The following ATG5 variants were observed in gnomAD, a reference collection of about 807,000 sequenced individuals.
ATG5 encodes autophagy related 5, also known as autophagy protein 5.
In ATG5, 14 loss-of-function variants were observed where a neutral mutation model predicts 36.5. The ratio of observed to expected loss-of-function variants is 0.38; its 90% CI spans 0.25 to 0.60. The LOEUF (loss-of-function observed/expected upper bound fraction) is 0.60, where lower values mean the gene tolerates loss of function less well. ATG5 is among the 20% of genes least tolerant of loss of function. The probability of loss-of-function intolerance (pLI) is 0.60; values close to 1 mark genes in which losing one functional copy is unlikely to be tolerated. For synonymous variants in ATG5, 95 were observed against 101.5 expected (o/e 0.94, Z 0.38); for missense variants, 195 against 326.7 (o/e 0.60, Z 3.11).
In ATG5 at chr6:106,248,145, C is replaced by A; in HGVS notation, c.573+5G>T. 1 of 1,573,670 alleles carries A rather than the reference C, an allele frequency of 6.4e-7. No individual in the cohort carries two copies. The highest frequency in any genetic ancestry group is 1.7e-4 in the Middle Eastern group (1 of 5,986). The stretch of plus-strand genomic sequence containing the variant: ...ATGGATGTTTTTTAAAATGTTATTT[C>A]CTACCTGATATATTCTAAAGGGGAT... On this transcript the variant is annotated splice_donor_5th_base_variant and intron_variant, in intron 6 of 7. Coordinates refer to ENST00000369076, the MANE Select transcript of ATG5 (RefSeq NM_004849.4).
intron 5 of ATG5, among the ~76,000 whole-genome samples, chr6:106,254,310 T>C (rs147581768): frequency 2.6e-5 from 4 of 152,344 alleles, no homozygotes; most frequent in Non-Finnish European, 4.4e-5. Context: ...CTTCAAATTA[T>C]GCAATTTACA....
intron 5 of ATG5, among the ~76,000 whole-genome samples, chr6:106,258,667 T>C (rs1274978645): frequency 2.0e-5 from 3 of 152,192 alleles, no homozygotes; most frequent in African/African-American, 7.2e-5. Flanking sequence ...GGTGATACCA[T>C]GACACAGAAG....
chr6:106,262,603 AGC>A (rs1779067873), intron 5 of ATG5, among the ~76,000 whole-genome samples: 1 of 152,200 alleles, frequency 6.6e-6, no homozygotes, highest in Non-Finnish European at 1.5e-5. Flanking sequence ...TGCAGCTCCC[AGC>A]GAGACAAACA....
At chr6:106,257,982 A>C (rs1024763363) in intron 5 of ATG5, among the ~76,000 whole-genome samples, 1 of 152,168 alleles carries the variant, frequency 6.6e-6, no homozygotes, top group Admixed American at 6.5e-5. Context: ...AAAAGCAAAA[A>C]CCAAAATAAA....
At chr6:106,294,721 C>A (rs1780463400) in intron 3 of ATG5, among the ~76,000 whole-genome samples, 1 of 151,214 alleles carries the variant, frequency 6.6e-6, no homozygotes, top group Non-Finnish European at 1.5e-5. Flanking sequence ...CACACACCTG[C>A]AGCCCTAGCT....
At chr6:106,237,478 C>T in intron 6 of ATG5, among the ~76,000 whole-genome samples, 1 of 152,072 alleles carries the variant, frequency 6.6e-6, no homozygotes, top group Admixed American at 6.5e-5. Flanking sequence ...CATTGCTTAC[C>T]GGCTGGCTGT....
intron 7 of ATG5, among the ~76,000 whole-genome samples, chr6:106,189,175 G>A (rs775593263): frequency 2.6e-5 from 4 of 152,104 alleles, no homozygotes; most frequent in African/African-American, 4.8e-5. Context: ...AACTCTACCC[G>A]TAAAGACTGT....
intron 6 of ATG5, among the ~76,000 whole-genome samples, chr6:106,205,203 G>A (rs1394374394): frequency 2.0e-5 from 3 of 152,148 alleles, no homozygotes; most frequent in Non-Finnish European, 4.4e-5. Context: ...AATACAGCAA[G>A]CTTATGTGAA....
At chr6:106,242,306 A>G (rs34021597) in intron 6 of ATG5, among the ~76,000 whole-genome samples, 1 of 152,144 alleles carries the variant, frequency 6.6e-6, no homozygotes, top group African/African-American at 2.4e-5. Flanking sequence ...GACACATAAT[A>G]CAATATAGAT....
At chr6:106,242,116 A>T (rs546828529) in intron 6 of ATG5, among the ~76,000 whole-genome samples, 3 of 149,686 alleles carry the variant, frequency 2.0e-5, no homozygotes, top group Non-Finnish European at 3.0e-5. Flanking sequence ...AATTATATCT[A>T]TCTATATCTA....
At chr6:106,208,271 T>C (rs1776717437) in intron 6 of ATG5, among the ~76,000 whole-genome samples, 1 of 152,224 alleles carries the variant, frequency 6.6e-6, no homozygotes, top group Non-Finnish European at 1.5e-5. Flanking sequence ...AACACATATG[T>C]ATATGTATAA....
At chr6:106,318,508 G>A (rs906463848) in intron 1 of ATG5, among the ~76,000 whole-genome samples, 4 of 152,150 alleles carry the variant, frequency 2.6e-5, no homozygotes, top group Non-Finnish European at 4.4e-5. Context: ...AAAGTCTTAC[G>A]TTCCAGCAAA....
intron 6 of ATG5, among the ~76,000 whole-genome samples, chr6:106,244,091 A>T (rs867044459): frequency 1.3e-5 from 2 of 151,736 alleles, no homozygotes; most frequent in Middle Eastern, 3.4e-3. Context: ...ATTTAAAAAA[A>T]TTTTTTTGTA....
At chr6:106,235,290 T>A (rs1257954949) in intron 6 of ATG5, among the ~76,000 whole-genome samples, 2 of 152,196 alleles carry the variant, frequency 1.3e-5, no homozygotes. Context: ...ATGAAGTCCA[T>A]GACTAAGATC....
chr6:106,313,375 A>T (rs908489397), intron 2 of ATG5, among the ~76,000 whole-genome samples: 2 of 152,236 alleles, frequency 1.3e-5, no homozygotes, highest in Non-Finnish European at 2.9e-5. Context: ...AATAGGGCAG[A>T]CACCTGACTA....
chr6:106,199,992 C>T (rs1271885819), intron 7 of ATG5, among the ~76,000 whole-genome samples: 1 of 152,268 alleles, frequency 6.6e-6, no homozygotes, highest in South Asian at 2.1e-4. Flanking sequence ...TTTGGGTAGT[C>T]AGTGGTCTCT....
rs147387557 is a variant in ATG5 at position 106,192,977 on chromosome 6, G to C, written c.692-6301C>G. Among the ~76,000 whole-genome samples, 604 of 152,294 alleles carry C rather than the reference G, an allele frequency of 4.0e-3. 4 individuals carry two copies. The highest frequency in any genetic ancestry group is 0.01 in the Middle Eastern group (3 of 294). On this transcript the variant is annotated intron_variant, in intron 7 of 7. Coordinates refer to ENST00000369076, the MANE Select transcript of ATG5 (RefSeq NM_004849.4). ...TTTTGTCTCAGCCACGGAGGTAATA[G>C]TCAGCGAGGTCAGGTCAAAGAGGGT...
Position 106,256,237 on chromosome 6 carries a change from T to G in ATG5, c.479-7993A>C, listed in dbSNP as rs371782168. Among the ~76,000 whole-genome samples the G allele has an allele frequency of 3.9e-5, 6 of 152,358 alleles. No individual in the cohort carries two copies. The East Asian group carries it at 1.2e-3, about 29-fold the overall frequency. ...TGTAAAGTAGAAAACACTATTAATCTGTTAATGATTATCCACTGACAAATA... is the reference window on the plus strand; with the variant it reads ...TGTAAAGTAGAAAACACTATTAATCGGTTAATGATTATCCACTGACAAATA... On this transcript the variant is annotated intron_variant, in intron 5 of 7. Transcript: ENST00000369076.
At chr6:106,306,931 G>A (rs1314576681) in intron 3 of ATG5, among the ~76,000 whole-genome samples, 2 of 152,158 alleles carry the variant, frequency 1.3e-5, no homozygotes, top group African/African-American at 4.8e-5. Flanking sequence ...AGAGGAGTCT[G>A]ATACATGATC....
Sources: gnomAD v4.1 joint callset for allele counts (sites outside exome capture counted in the v4.1 genomes callset) on GRCh38, gnomAD v4.1.1 for gene constraint, MANE v1.5 for transcripts, NCBI Gene and HGNC (gene_info 2026-07-23, HGNC 2026-07-21) for gene names.